Variants in PTPRD observed in about 807,000 individuals in gnomAD.
The protein encoded by PTPRD is receptor-type tyrosine-protein phosphatase delta.
A neutral mutation model predicts 214.5 loss-of-function variants in PTPRD; 34 were observed. That is an observed-to-expected ratio of 0.16 (90% CI 0.12 to 0.21). PTPRD has a LOEUF of 0.21. PTPRD is among the 10% of genes least tolerant of loss of function. PTPRD has a pLI of 1.00. For missense variants in PTPRD, 2,545 were observed against 2,398.7 expected (o/e 1.06, Z -1.27); for synonymous variants, 1,128 against 845.7 (o/e 1.33, Z -5.79).
intron 12 of PTPRD, among the ~76,000 whole-genome samples, chr9:8,646,390 C>T (rs2096691714): frequency 6.6e-6 from 1 of 152,188 alleles, no homozygotes; most frequent in Admixed American, 6.5e-5. Flanking sequence ...ATAGCTTACT[C>T]CTGCAAACTA....
intron 39 of PTPRD, among the ~76,000 whole-genome samples, chr9:8,359,040 G>C (rs992519389): frequency 4.6e-5 from 6 of 129,982 alleles, no homozygotes; most frequent in Non-Finnish European, 6.3e-5. Flanking sequence ...CCTGGGAGGC[G>C]GAGCTTGCAG....
intron 10 of PTPRD, among the ~76,000 whole-genome samples, chr9:9,078,231 C>T (rs2099753952): frequency 6.6e-6 from 1 of 152,058 alleles, no homozygotes; most frequent in South Asian, 2.1e-4. Flanking sequence ...ATTTAGTATT[C>T]ATAAAAGTTT....
At chr9:9,944,393 G>C (rs1049936211) in intron 4 of PTPRD, among the ~76,000 whole-genome samples, 1 of 140,536 alleles carries the variant, frequency 7.1e-6, no homozygotes, top group Non-Finnish European at 1.7e-5. Flanking sequence ...TAGCACTAAG[G>C]CTGGCACTTA....
intron 3 of PTPRD, among the ~76,000 whole-genome samples, chr9:10,089,446 C>G (rs1216484620): frequency 6.6e-6 from 1 of 151,386 alleles, no homozygotes; most frequent in Non-Finnish European, 1.5e-5. Context: ...TAATGGCTAT[C>G]ATAAGATTGA....
At chr9:10,461,335 T>C (rs960775432) in intron 2 of PTPRD, among the ~76,000 whole-genome samples, 1 of 151,402 alleles carries the variant, frequency 6.6e-6, no homozygotes, top group Non-Finnish European at 1.5e-5. Flanking sequence ...AAATTAAAAA[T>C]AGAACTACCA....
intron 3 of PTPRD, among the ~76,000 whole-genome samples, chr9:10,255,851 C>G (rs2093219381): frequency 2.6e-5 from 4 of 152,208 alleles, no homozygotes; most frequent in Admixed American, 2.6e-4. Context: ...AAAACTAAGA[C>G]ACAAACACAC....
At chr9:10,326,618 A>G (rs1468315444) in intron 3 of PTPRD, among the ~76,000 whole-genome samples, 1 of 151,640 alleles carries the variant, frequency 6.6e-6, no homozygotes, top group African/African-American at 2.4e-5. Context: ...TTAATTATGA[A>G]AATAATATTT....
intron 2 of PTPRD, among the ~76,000 whole-genome samples, chr9:10,537,472 G>A (rs538400079): frequency 6.7e-4 from 102 of 152,226 alleles, no homozygotes; most frequent in Non-Finnish European, 1.3e-3. Context: ...AAATAGCTAT[G>A]TAAAAATTGG....
intron 43 of PTPRD, among the ~76,000 whole-genome samples, chr9:8,333,934 A>G (rs1033443032): frequency 1.3e-5 from 2 of 152,188 alleles, no homozygotes; most frequent in African/African-American, 4.8e-5. Context: ...AAAGAGACAA[A>G]GAAGGCCATT....
chr9:9,600,782 C>A (rs192033911), intron 7 of PTPRD, among the ~76,000 whole-genome samples: 1 of 152,200 alleles, frequency 6.6e-6, no homozygotes, highest in Admixed American at 6.6e-5. Context: ...TAACTTTACA[C>A]ATATATTTAA....
At position 9,195,034 on chromosome 9, in the gene PTPRD, G is replaced by GTA. The variant is rs1429171245; in HGVS notation, c.-202-11673_-202-11672dup. On this transcript the variant is annotated intron_variant, in intron 9 of 45. Coordinates refer to ENST00000381196, the MANE Select transcript of PTPRD (RefSeq NM_002839.4). ...ACCTATGGTATATATGTGTGTGTGTGTATATATATACATATTTATACGAAT... is the reference window on the plus strand; with the variant it reads ...ACCTATGGTATATATGTGTGTGTGTGTATATATATATACATATTTATACGAAT... Among the ~76,000 whole-genome samples, 82 of 148,364 alleles carry GTA rather than the reference G, an allele frequency of 5.5e-4. 1 individual carries two copies. The highest frequency in any genetic ancestry group is 2.9e-3 in the Admixed American group (43 of 14,708).
At chr9:9,536,603 T>A (rs1348546040) in intron 8 of PTPRD, among the ~76,000 whole-genome samples, 1 of 152,002 alleles carries the variant, frequency 6.6e-6, no homozygotes, top group Non-Finnish European at 1.5e-5. Flanking sequence ...GTCAGCACCT[T>A]TGCCCACGTC....
chr9:9,509,165 T>C (rs2096639916), intron 8 of PTPRD, among the ~76,000 whole-genome samples: 1 of 151,704 alleles, frequency 6.6e-6, no homozygotes, highest in Non-Finnish European at 1.5e-5. Context: ...GGAAAAGCCA[T>C]TCTAAGTTGC....
chr9:10,411,369 C>T (rs2098434890), intron 2 of PTPRD, among the ~76,000 whole-genome samples: 1 of 151,756 alleles, frequency 6.6e-6, no homozygotes, highest in Non-Finnish European at 1.5e-5. Flanking sequence ...TTTCCCAGTT[C>T]ATCATGAAAG....
At chr9:8,514,286 T>C (rs2097742058) in intron 21 of PTPRD, among the ~76,000 whole-genome samples, 3 of 152,182 alleles carry the variant, frequency 2.0e-5, no homozygotes, top group Admixed American at 2.0e-4. Flanking sequence ...TTCTCACAAT[T>C]GTCTAAGATT....
intron 7 of PTPRD, among the ~76,000 whole-genome samples, chr9:9,726,372 C>G (rs1266159973): frequency 6.6e-6 from 1 of 152,092 alleles, no homozygotes. Context: ...AGTGGGATTC[C>G]CATTCAGAGG....
chr9:9,251,485 A>G (rs943701633), intron 9 of PTPRD, among the ~76,000 whole-genome samples: 38 of 151,986 alleles, frequency 2.5e-4, no homozygotes, highest in African/African-American at 9.2e-4. Flanking sequence ...TTTATTTTGA[A>G]AACTACTATT....
chr9:9,966,750 G>T (rs2094730866), intron 4 of PTPRD, among the ~76,000 whole-genome samples: 1 of 152,070 alleles, frequency 6.6e-6, no homozygotes, highest in South Asian at 2.1e-4. Context: ...TGCTCCTGAG[G>T]AATCAAGGAG....
At chr9:8,987,958 G>A (rs2099352077) in intron 11 of PTPRD, among the ~76,000 whole-genome samples, 1 of 152,008 alleles carries the variant, frequency 6.6e-6, no homozygotes, top group African/African-American at 2.4e-5. Flanking sequence ...GGAACAGGTA[G>A]CTGAAGATGG....
Sources: allele counts gnomAD v4.1 joint callset (sites outside exome capture counted in the v4.1 genomes callset), GRCh38; gene constraint gnomAD v4.1.1; transcripts MANE v1.5; gene names NCBI Gene and HGNC (gene_info 2026-07-23, HGNC 2026-07-21).